Variants in PIF1 observed in about 807,000 individuals in gnomAD.
PIF1 encodes ATP-dependent DNA helicase PIF1.
In PIF1, 67 loss-of-function variants were observed where a neutral mutation model predicts 62.3. The ratio of observed to expected loss-of-function variants is 1.08; its 90% confidence interval spans 0.88 to 1.32. The LOEUF (loss-of-function observed/expected upper bound fraction) is 1.32, where lower values mean the gene tolerates loss of function less well. Ranked by LOEUF, PIF1 falls within the 40% of genes most tolerant of loss-of-function variation. The pLI, the probability that PIF1 is intolerant of heterozygous loss-of-function variation, is 0.00. For synonymous variants in PIF1, 364 were observed against 379.5 expected (o/e 0.96, Z 0.47); for missense variants, 886 against 866.1 (o/e 1.02, Z -0.29).
chr15:64,818,933 G>A, intron 9 of PIF1, 184 bp downstream of exon 9: 1 of 485,270 alleles, frequency 2.1e-6, no homozygotes, highest in South Asian at 3.9e-5. Context: ...CCTGGTGTAG[G>A]AAGAGAAAAA....
upstream of PIF1, among the ~76,000 whole-genome samples, chr15:64,826,665 T>TATATATATACATACAC (rs796684934): frequency 2.6e-4 from 11 of 42,802 alleles, no homozygotes; most frequent in East Asian, 1.0e-3. Flanking sequence ...TATATATATA[T>TATATATATACATACAC]ACACACACAC....
chr15:64,817,647 A>G (rs926178313), intron 11 of PIF1, among the ~76,000 whole-genome samples: 1 of 152,072 alleles, frequency 6.6e-6, no homozygotes, highest in African/African-American at 2.4e-5. Flanking sequence ...GTGGATCACC[A>G]GGTCAGGAGA....
chr15:64,816,861 T>G, intron 11 of PIF1, 96 bp from the exon 12 acceptor site: 1 of 1,176,478 alleles, frequency 8.5e-7, no homozygotes, highest in Non-Finnish European at 1.2e-6. Context: ...TGCCCCTGGA[T>G]CTCCTCGTCC....
At chr15:64,816,867 C>T (rs957822026) in intron 11 of PIF1, 102 bp from the exon 12 acceptor site, 26 of 1,114,928 alleles carry the variant, frequency 2.3e-5, no homozygotes, top group Middle Eastern at 2.5e-4. Context: ...TGGATCTCCT[C>T]GTCCAGTCCA....
chr15:64,820,932 C>T (rs1452894420), intron 7 of PIF1, 50 bp downstream of exon 7: 1 of 1,518,084 alleles, frequency 6.6e-7, no homozygotes. Context: ...CACTGTGGCC[C>T]ATGCCTGGAT....
At chr15:64,816,439 T>C (rs2084184095) in intron 12 of PIF1, 82 bp from the exon 13 acceptor site, 3 of 1,605,164 alleles carry the variant, frequency 1.9e-6, no homozygotes, top group Non-Finnish European at 1.7e-6. Context: ...TCTCTTTCCT[T>C]TTGCCCTCAC....
At chr15:64,822,138 G>A in intron 4 of PIF1, 128 bp downstream of exon 4, 1 of 1,284,390 alleles carries the variant, frequency 7.8e-7, no homozygotes, top group Non-Finnish European at 1.1e-6. Flanking sequence ...GCCTCCTAAA[G>A]TTTTGGGATT....
chr15:64,815,932 CCT>C lies in PIF1; in HGVS notation c.*364_*365del, dbSNP rs1391272795. On this transcript the variant is annotated 3_prime_UTR_variant, in exon 13 of 13. Coordinates refer to ENST00000559239, the MANE Select transcript of PIF1 (RefSeq NM_001286496.2). ...GCTTCCGGAGCACCTGTCTTCATTG[CCT>C]CTCCCTTCTGCAGCCTGAAAGGAGG... The C allele has an allele frequency of 4.5e-6, 7 of 1,549,898 alleles. No individual in the cohort carries two copies. The Admixed American group carries it at 1.4e-4, about 30-fold the overall frequency.
At chr15:64,824,994 TATATACACACAC>T (rs2084349063) in intron 1 of PIF1, among the ~76,000 whole-genome samples, 1 of 130,838 alleles carries the variant, frequency 7.6e-6, no homozygotes, top group South Asian at 2.6e-4. Context: ...AATTTCTATA[TATATACACACAC>T]ACACACACAC....
At chr15:64,826,811 G>A (rs1355445474), upstream of PIF1, among the ~76,000 whole-genome samples, 1 of 147,000 alleles carries the variant, frequency 6.8e-6, no homozygotes, top group Admixed American at 6.8e-5. Flanking sequence ...GGCTTGTCTC[G>A]AACTCCGGAG....
Position 64,824,113 on chromosome 15 carries a change from G to C in PIF1, c.223C>G (p.Arg75Gly). 1 of 1,272,538 alleles carries C rather than the reference G, an allele frequency of 7.9e-7. No homozygotes were observed. Among genetic ancestry groups the C allele is most frequent in the Non-Finnish European group, 9.9e-7 (1 of 1,010,978 alleles). The allele number at this position is 1,272,538 out of a possible 1,614,324, so 78.8% of individuals were successfully genotyped here. A position where few individuals can be genotyped will look rare whatever the true frequency, so the allele number is the denominator to read the frequency against. The change falls in exon 2 of 13, where the codon CGC (arginine) becomes GGC (glycine). Residue 75 changes from arginine to glycine, a missense_variant. Transcript: ENST00000559239. ...RPRCFPLRAA[R>G]LFTRFAEAGR... Reference sequence around the variant, plus strand: ...GCCTCGGCGAAACGCGTGAAGAGGCGCGCGGCGCGCAGAGGAAAGCAGCGC... The same window carrying C: ...GCCTCGGCGAAACGCGTGAAGAGGCCCGCGGCGCGCAGAGGAAAGCAGCGC...
At position 64,816,618 on chromosome 15, in the gene PIF1, GCA is replaced by G; in HGVS notation, c.1820_1821del (p.Val607AlafsTer20). ...DPMAVRCDPR[V>X]LHFYATLRRG... ...CGCCGCAGGGTGGCATAGAAGTGCAGCACACGGGGGTCACAGCGAACCGCCAT... is the reference window on the plus strand; with the variant it reads ...CGCCGCAGGGTGGCATAGAAGTGCAGCACGGGGGTCACAGCGAACCGCCAT... On this transcript the variant is annotated frameshift_variant, in exon 12 of 13. Transcript: ENST00000559239. LOFTEE classifies it high-confidence loss of function. 6.2e-7 allele frequency: 1 copy of G among 1,614,074 alleles called. No individual in the cohort carries two copies. Among genetic ancestry groups the G allele is most frequent in the Non-Finnish European group, 8.5e-7 (1 of 1,180,002 alleles).
Position 64,821,191 on chromosome 15 carries a change from G to A in PIF1, c.1062C>T (p.Ser354=). Residue 354 remains serine (S), a synonymous_variant, in exon 6 of 13, where the codon TCC becomes TCT. Coordinates refer to ENST00000559239, the MANE Select transcript of PIF1 (RefSeq NM_001286496.2). ...CCTGGAAGCAGAACCGTGGGGGCTG[G>A]GAGCCCTTGGTCACAGGTGGCAGCT... is the stretch of plus-strand genomic sequence containing the variant. ...FLQLPPVTKG[S]QPPRFCFQSK... 6.2e-7 allele frequency: 1 copy of A among 1,614,190 alleles called. No homozygotes were observed. Among genetic ancestry groups the A allele is most frequent in the Non-Finnish European group, 8.5e-7 (1 of 1,180,044 alleles).
chr15:64,818,007 A>G lies in PIF1; in HGVS notation c.1613T>C (p.Leu538Pro), dbSNP rs1375562124. 6.2e-7 allele frequency: 1 copy of G among 1,613,370 alleles called. No homozygotes were observed. Among genetic ancestry groups the G allele is most frequent in the African/African-American group, 1.3e-5 (1 of 74,894 alleles). Residue 538 changes from leucine to proline, a missense_variant, in exon 11 of 13, where the codon CTC (leucine) becomes CCC (proline). Transcript: ENST00000559239. ...GAGGGGCAGCTGCTGCCGACTGAGGAGCTGGCCCCCGGTGGCCTGCACCGT... is the reference window on the plus strand; with the variant it reads ...GAGGGGCAGCTGCTGCCGACTGAGGGGCTGGCCCCCGGTGGCCTGCACCGT... ...RWTVQATGGQ[L>P]LSRQQLPLQL...
chr15:64,817,033 C>G (rs1000258112), intron 11 of PIF1, among the ~76,000 whole-genome samples: 2 of 152,194 alleles, frequency 1.3e-5, no homozygotes, highest in Non-Finnish European at 2.9e-5. Flanking sequence ...CAGGCTGCCA[C>G]TCACTAACTG....
intron 11 of PIF1, 33 bp downstream of exon 11, chr15:64,817,913 C>T: frequency 6.3e-7 from 1 of 1,587,842 alleles, no homozygotes. Context: ...TCCCTCTGCC[C>T]TCCCTGTCCC....
At chr15:64,823,708 C>G in intron 2 of PIF1, 70 bp downstream of exon 2, 1 of 1,187,478 alleles carries the variant, frequency 8.4e-7, no homozygotes, top group East Asian at 3.1e-5. Context: ...AAACTTGGGT[C>G]TCTAGGTCTC....
Position 64,821,491 on chromosome 15 carries a change from G to A in PIF1, c.847C>T (p.Gln283Ter). 1 of 1,613,168 alleles carries A rather than the reference G, an allele frequency of 6.2e-7. No homozygotes were observed. Among genetic ancestry groups the A allele is most frequent in the Non-Finnish European group, 8.5e-7 (1 of 1,179,626 alleles). The change falls in exon 5 of 13, where the codon CAG becomes TAG. Residue 283 changes from glutamine to a stop codon, truncating the protein, a stop_gained. Coordinates refer to ENST00000559239, the MANE Select transcript of PIF1 (RefSeq NM_001286496.2). LOFTEE classifies it high-confidence loss of function. ...GGCCTTTGGGCCAGGGCCACACACT[G>A]GGCTAGAGGAGCCTGGCCTGAGCCG... ...GIGSGQAPLA[Q>*]CVALAQRPGV... is the part of the protein sequence containing the mutation.
rs1567089829 is a variant in PIF1 at position 64,825,566 on chromosome 15, C to T, written c.-20+3G>A. 6.6e-6 allele frequency: 1 copy of T among 152,162 alleles called. No individual in the cohort carries two copies. The highest frequency in any genetic ancestry group is 2.1e-4 in the South Asian group (1 of 4,814). 9.4% of individuals were successfully genotyped at this position (152,162 alleles called of 1,614,324 possible). ...TAGATAAATCAGGCTCTTTGCTCCCCACCTCTGGGTTCGGGCAGACACTCA... is the reference window on the plus strand; with the variant it reads ...TAGATAAATCAGGCTCTTTGCTCCCTACCTCTGGGTTCGGGCAGACACTCA... On this transcript the variant is annotated splice_donor_region_variant and intron_variant, in intron 1 of 12. Transcript: ENST00000559239.
Sources: allele counts gnomAD v4.1 joint callset (sites outside exome capture counted in the v4.1 genomes callset), GRCh38; gene constraint gnomAD v4.1.1; transcripts MANE v1.5; gene names NCBI Gene and HGNC (gene_info 2026-07-23, HGNC 2026-07-21).